The following MTUS1 variants were observed in gnomAD, a reference collection of about 807,000 sequenced individuals.
The protein encoded by MTUS1 is microtubule-associated tumor suppressor 1.
MTUS1 carries 109 observed loss-of-function variants against 120.8 expected under a neutral mutation model. The ratio of observed to expected loss-of-function variants is 0.90; its 90% CI spans 0.77 to 1.06. The LOEUF (loss-of-function observed/expected upper bound fraction) is 1.06, where lower values mean the gene tolerates loss of function less well. MTUS1 is among the 50% of genes least tolerant of loss of function. The pLI, the probability that MTUS1 is intolerant of heterozygous loss-of-function variation, is 0.00. For synonymous variants in MTUS1, 737 were observed against 550.5 expected, an observed-to-expected ratio of 1.34 and a Z score of -4.74; for missense variants, 2,210 against 1,486.3, an observed-to-expected ratio of 1.49 and a Z score of -8.01.
At position 17,753,854 on chromosome 8, in the gene MTUS1, C is replaced by A. The variant is rs374965313; in HGVS notation, c.1954G>T (p.Glu652Ter). The change falls in exon 2 of 15, where the codon GAA (glutamate) becomes TAA (stop). Residue 652 changes from glutamate (E) to a stop codon, truncating the protein, a stop_gained. Coordinates refer to ENST00000693296, the MANE Select transcript of MTUS1 (RefSeq NM_001363059.2). LOFTEE classifies it high-confidence loss of function. ...TCAATGTTGGGAACATAGGTCATTT[C>A]CAAACATTCTGCACTTTCCATTTTA... ...PVKMESAECL[E>*]MTYVPNIDRI... The A allele has an allele frequency of 1.2e-6, 2 of 1,614,144 alleles. No homozygotes were observed. The highest frequency in any genetic ancestry group is 1.7e-6 in the Non-Finnish European group (2 of 1,180,026).
chr8:17,755,897 T>C lies in MTUS1; in HGVS notation c.-90A>G. ...TGGGCAAAATGGTCTGTCTTCTAGG[T>C]TTTTCAGCACAGTTGAAAGGTTTTC... On this transcript the variant is annotated 5_prime_UTR_variant, in exon 2 of 15. Transcript: ENST00000693296. 6.7e-7 allele frequency: 1 copy of C among 1,501,830 alleles called. No homozygotes were observed. Among genetic ancestry groups the C allele is most frequent in the Non-Finnish European group, 8.8e-7 (1 of 1,133,910 alleles). The allele number at this position is 1,501,830 out of a possible 1,614,324, so 93.0% of individuals were successfully genotyped here. A position where few individuals can be genotyped will look rare whatever the true frequency, so the allele number is the denominator to read the frequency against.
At chr8:17,758,737 A>G (rs1339146021) in intron 1 of MTUS1, among the ~76,000 whole-genome samples, 1 of 152,214 alleles carries the variant, frequency 6.6e-6, no homozygotes, top group Non-Finnish European at 1.5e-5. Flanking sequence ...CGCACTTAGC[A>G]TAGATCGTGG....
chr8:17,668,328 CCT>C (rs1408837519), intron 8 of MTUS1, among the ~76,000 whole-genome samples: 1 of 152,118 alleles, frequency 6.6e-6, no homozygotes, highest in Non-Finnish European at 1.5e-5. Context: ...ATTGGACACC[CCT>C]GATTTAGATG....
chr8:17,787,163 T>C (rs2051370451), intron 1 of MTUS1, among the ~76,000 whole-genome samples: 1 of 152,124 alleles, frequency 6.6e-6, no homozygotes. Flanking sequence ...TCAATTCCAC[T>C]GCTCCACGCC....
chr8:17,721,507 A>G, intron 4 of MTUS1, among the ~76,000 whole-genome samples: 1 of 152,226 alleles, frequency 6.6e-6, no homozygotes, highest in Non-Finnish European at 1.5e-5. Context: ...TTATATTAAG[A>G]GTGCAAAACA....
chr8:17,676,631 T>G, intron 7 of MTUS1: 1 of 383,774 alleles, frequency 2.6e-6, no homozygotes, highest in South Asian at 8.6e-5. Context: ...GCCATTTAGT[T>G]AAATATCAGC....
rs763142612 is a variant in MTUS1 at position 17,652,495 on chromosome 8, G to T, written c.3384+691C>A. ...GGGAGAGCCTGGTGCTGGGGAATTT[G>T]GGGGAATGGGGAGTGACTGCTAATG... On this transcript the variant is annotated intron_variant, in intron 12 of 14. Transcript: ENST00000693296. Among the ~76,000 whole-genome samples the T allele has an allele frequency of 2.3e-4, 35 of 152,068 alleles. 1 individual carries two copies. The highest frequency in any genetic ancestry group is 8.2e-4 in the African/African-American group (34 of 41,388).
intron 8 of MTUS1, among the ~76,000 whole-genome samples, chr8:17,673,195 G>GT (rs1563175979): frequency 6.6e-6 from 1 of 152,222 alleles, no homozygotes; most frequent in East Asian, 1.9e-4. Context: ...GTCAAGTTAA[G>GT]TAACATGGCA....
chr8:17,713,822 G>A (rs1032704890), intron 5 of MTUS1, among the ~76,000 whole-genome samples: 41 of 152,186 alleles, frequency 2.7e-4, no homozygotes, highest in Admixed American at 8.5e-4. Flanking sequence ...ATCATCTGCA[G>A]ATACCAGTTA....
intron 1 of MTUS1, among the ~76,000 whole-genome samples, chr8:17,778,097 C>A (rs2050597009): frequency 6.6e-6 from 1 of 152,114 alleles, no homozygotes; most frequent in Non-Finnish European, 1.5e-5. Context: ...GAAGAAAAAT[C>A]TAATTGCCAA....
rs763962576 is a variant in MTUS1, at chr8:17,646,131, G to C, written c.3608C>G (p.Ser1203Cys). The C allele has an allele frequency of 2.5e-6, 4 of 1,609,140 alleles. No individual in the cohort carries two copies. The highest frequency in any genetic ancestry group is 3.4e-6 in the Non-Finnish European group (4 of 1,178,258). Residue 1203 changes from serine (S) to cysteine (C), a missense_variant, in exon 15 of 15, where the codon TCC becomes TGC. Coordinates refer to ENST00000693296, the MANE Select transcript of MTUS1 (RefSeq NM_001363059.2). ...CTCTTGCAGAACAGCCTGCTCCGTG[G>C]AAAGCTGCCTTGAAGAAAAAGGCCA... The part of the protein sequence containing the change: ...DKHMAISRQL[S>C]TEQAVLQESL...
chr8:17,765,041 TG>T (rs1298862170), intron 1 of MTUS1, among the ~76,000 whole-genome samples: 1 of 152,230 alleles, frequency 6.6e-6, no homozygotes. Flanking sequence ...CAGTCCCATC[TG>T]GAAGTGATGG....
At chr8:17,697,188 G>T in intron 6 of MTUS1, 2 of 1,503,806 alleles carry the variant, frequency 1.3e-6, no homozygotes, top group East Asian at 2.3e-5. Flanking sequence ...AAAAACCTCT[G>T]ATAAACATCT....
At chr8:17,704,773 G>C (rs1019603842) in intron 6 of MTUS1, among the ~76,000 whole-genome samples, 48 of 152,090 alleles carry the variant, frequency 3.2e-4, no homozygotes, top group African/African-American at 1.1e-3. Context: ...TATGACTTTT[G>C]GGATTGTTTT....
intron 6 of MTUS1, among the ~76,000 whole-genome samples, chr8:17,695,252 C>A (rs1194860836): frequency 6.6e-6 from 1 of 152,214 alleles, no homozygotes; most frequent in African/African-American, 2.4e-5. Flanking sequence ...CAAAACGCTT[C>A]CTCCATCCCT....
intron 6 of MTUS1, among the ~76,000 whole-genome samples, chr8:17,698,437 C>A (rs1818398776): frequency 6.6e-6 from 1 of 152,104 alleles, no homozygotes; most frequent in African/African-American, 2.4e-5. Context: ...TTAACAACAA[C>A]AATATGCCCA....
In MTUS1 at chr8:17,715,778, G is replaced by C. The variant is rs1409184639; in HGVS notation, c.2573C>G (p.Thr858Ser). Residue 858 changes from threonine to serine, a missense_variant, in exon 5 of 15, where the codon ACT (threonine) becomes AGT (serine). Physicochemically the swap from Thr to Ser is moderately conservative, Grantham distance 58 (BLOSUM62 1). Coordinates refer to ENST00000693296, the MANE Select transcript of MTUS1 (RefSeq NM_001363059.2). The stretch of plus-strand genomic sequence containing the variant: ...AATGAGGACTGTACCTTTTGGAGGA[G>C]TTTTCATCAAGTGAACATGAGCCCT... ...VSRAHVHLMK[T>S]PPKGPSRKNL... The C allele has an allele frequency of 2.5e-6, 4 of 1,612,670 alleles. No homozygotes were observed. Among genetic ancestry groups the C allele is most frequent in the Admixed American group, 3.4e-5 (2 of 59,622 alleles).
In MTUS1 at chr8:17,656,084, GA is replaced by G; in HGVS notation, c.2906-20del. 1 of 1,606,532 alleles carries G rather than the reference GA, an allele frequency of 6.2e-7. No homozygotes were observed. The highest frequency in any genetic ancestry group is 1.3e-5 in the African/African-American group (1 of 74,866). ...GCAGTGACTGAAAACAGAGGAGAAA[GA>G]AGAGGGAAGAGGTCATTTTATTTGT... On this transcript the variant is annotated intron_variant, in intron 8 of 14. Coordinates refer to ENST00000693296, the MANE Select transcript of MTUS1 (RefSeq NM_001363059.2).
intron 3 of MTUS1, among the ~76,000 whole-genome samples, chr8:17,732,582 T>G (rs939892674): frequency 1.3e-5 from 2 of 152,208 alleles, no homozygotes; most frequent in African/African-American, 4.8e-5. Flanking sequence ...TTTATATCTG[T>G]AGACCAGATT....
Sources: allele counts gnomAD v4.1 joint callset (sites outside exome capture counted in the v4.1 genomes callset), GRCh38; gene constraint gnomAD v4.1.1; transcripts MANE v1.5; gene names NCBI Gene and HGNC (gene_info 2026-07-23, HGNC 2026-07-21).